Variants in NECTIN1 observed in about 807,000 individuals in gnomAD.
The protein encoded by NECTIN1 is nectin cell adhesion molecule 1, also known as nectin-1.
NECTIN1 carries 23 observed loss-of-function variants against 48.0 expected under a neutral mutation model. The observed-to-expected ratio is 0.48, with a 90% confidence interval of 0.34 to 0.68. The LOEUF (loss-of-function observed/expected upper bound fraction) is 0.68. Ranked by LOEUF, NECTIN1 falls within the 30% of genes least tolerant of loss-of-function variation. The probability of loss-of-function intolerance (pLI) is 0.01; values close to 1 mark genes in which losing one functional copy is unlikely to be tolerated. For synonymous variants in NECTIN1, 270 were observed against 288.9 expected (o/e 0.93, Z 0.66); for missense variants, 591 against 709.9 (o/e 0.83, Z 1.90).
At chr11:119,719,246 C>T (rs1476609004) in intron 1 of NECTIN1, among the ~76,000 whole-genome samples, 1 of 152,192 alleles carries the variant, frequency 6.6e-6, no homozygotes, top group Non-Finnish European at 1.5e-5. Context: ...CGCTGCACCA[C>T]TGAAGGGACA....
chr11:119,687,608 C>T (rs976120960), intron 1 of NECTIN1, among the ~76,000 whole-genome samples: 7 of 152,210 alleles, frequency 4.6e-5, no homozygotes, highest in African/African-American at 1.7e-4. Context: ...GGAGTGTAGG[C>T]AGCAGCCTCT....
In NECTIN1 at chr11:119,727,943, T is replaced by TCCGCCGCAGCAGCCGACC. The variant is rs1865939725; in HGVS notation, c.79+531_79+532insGGTCGGCTGCTGCGGCGG. ...AGCCGCCTCTGCCGCAGCAGCCGAC[T>TCCGCCGCAGCAGCCGACC]CTCCGCGCCCGCTGTGGGGCGGTGT... On this transcript the variant is annotated intron_variant, in intron 1 of 5. Coordinates refer to ENST00000264025, the MANE Select transcript of NECTIN1 (RefSeq NM_002855.5). The surrounding 1 kb of genome is among the most constrained non-coding windows in gnomAD (Gnocchi z 4.1). 6.6e-6 allele frequency among the ~76,000 whole-genome samples: 1 copy of TCCGCCGCAGCAGCCGACC among 151,980 alleles called. No homozygotes were observed. Among genetic ancestry groups the TCCGCCGCAGCAGCCGACC allele is most frequent in the Non-Finnish European group, 1.5e-5 (1 of 67,972 alleles).
chr11:119,656,159 G>C (rs566632064), downstream of NECTIN1, among the ~76,000 whole-genome samples: 1 of 152,266 alleles, frequency 6.6e-6, no homozygotes, highest in Non-Finnish European at 1.5e-5. Context: ...GGTCCCCAAA[G>C]TGTTGGGATT....
chr11:119,720,863 C>T (rs114755014), intron 1 of NECTIN1, among the ~76,000 whole-genome samples: 3 of 152,250 alleles, frequency 2.0e-5, no homozygotes, highest in African/African-American at 4.8e-5. Context: ...ACAAGGAACG[C>T]GAGCTGGGGA....
chr11:119,647,596 T>C lies in NECTIN1; in HGVS notation c.1004-7584A>G, dbSNP rs543009658. ...TGGGTGCCCTCTTCCCTCTCCTAGC[T>C]CCTAACTCTTTCCTCCCTATCTGCT... On this transcript the variant is annotated intron_variant, in intron 5 of 7. Coordinates refer to the NECTIN1 transcript ENST00000341398. Among the ~76,000 whole-genome samples the C allele has an allele frequency of 5.9e-5, 9 of 151,870 alleles. No homozygotes were observed. The South Asian group carries it at 8.3e-4, about 14-fold the overall frequency.
intron 5 of NECTIN1, among the ~76,000 whole-genome samples, chr11:119,649,860 C>A (rs1864463605): frequency 6.6e-6 from 1 of 152,190 alleles, no homozygotes; most frequent in African/African-American, 2.4e-5. Context: ...TTGGGCTACT[C>A]AGGAGGAAAT....
intron 1 of NECTIN1, among the ~76,000 whole-genome samples, chr11:119,699,688 A>G (rs1430567229): frequency 2.0e-5 from 3 of 152,224 alleles, no homozygotes; most frequent in South Asian, 2.1e-4. Flanking sequence ...GCTCAGGTGC[A>G]TTCCCTGGAG....
Position 119,677,612 on chromosome 11 carries a change from A to C in NECTIN1, c.676T>G (p.Cys226Gly). 6.2e-7 allele frequency: 1 copy of C among 1,613,566 alleles called. No individual in the cohort carries two copies. The highest frequency in any genetic ancestry group is 8.5e-7 in the Non-Finnish European group (1 of 1,180,026). The change falls in exon 3 of 6, where the codon TGC (cysteine) becomes GGC (glycine). Residue 226 changes from cysteine (C) to glycine (G), a missense_variant. Cys to Gly is a radical substitution (Grantham distance 159, BLOSUM62 -3). Transcript: ENST00000264025. This position sits in a 1 kb window ranked among gnomAD's most constrained non-coding sequence, Gnocchi z 5.4. ...CGGTCCATGTGGTAGTTGACGATGC[A>C]GGCCAAGGACTGCTGGTGGGCTTCC... Reference protein sequence around the residue: ...SREAHQQSLACIVNYHMDRFK... With the variant: ...SREAHQQSLAGIVNYHMDRFK...
intron 5 of NECTIN1, among the ~76,000 whole-genome samples, chr11:119,647,254 T>C (rs75244638): frequency 2.8e-5 from 4 of 144,186 alleles, no homozygotes; most frequent in East Asian, 2.1e-4. Flanking sequence ...GGGTTGAGGA[T>C]TGTCACTTCC....
At position 119,671,180 on chromosome 11, in the gene NECTIN1, T is replaced by C. The variant is rs568300157; in HGVS notation, c.1003+3979A>G. On this transcript the variant is annotated intron_variant, in intron 5 of 5. Coordinates refer to ENST00000264025, the MANE Select transcript of NECTIN1 (RefSeq NM_002855.5). ...CTGTCTGGCGTGGAGTGGAGCGTCC[T>C]CCCCTCCCCCTCCATCCCTCCAGCT... 3.1e-4 allele frequency among the ~76,000 whole-genome samples: 47 copies of C among 151,652 alleles called. 1 individual carries two copies. The South Asian group carries it at 9.6e-3, about 31-fold the overall frequency.
At chr11:119,643,590 TC>T (rs906423773) in intron 5 of NECTIN1, among the ~76,000 whole-genome samples, 5 of 152,122 alleles carry the variant, frequency 3.3e-5, no homozygotes, top group African/African-American at 1.2e-4. Flanking sequence ...GCCTACCCCC[TC>T]CCTGAATAGG....
chr11:119,692,745 G>A (rs1865279784), intron 1 of NECTIN1, among the ~76,000 whole-genome samples: 1 of 152,238 alleles, frequency 6.6e-6, no homozygotes, highest in African/African-American at 2.4e-5. Flanking sequence ...AGGAAACTCA[G>A]GGAGGTCAAG....
At position 119,640,016 on chromosome 11, in the gene NECTIN1, G is replaced by A. The variant is rs745463793; in HGVS notation, c.1004-4C>T. 3.1e-6 allele frequency: 5 copies of A among 1,608,278 alleles called. No individual in the cohort carries two copies. In the South Asian group the frequency reaches 5.5e-5, roughly 18 times the overall value. On this transcript the variant is annotated splice_region_variant and splice_polypyrimidine_tract_variant and intron_variant, in intron 5 of 7. Coordinates refer to the NECTIN1 transcript ENST00000341398. The stretch of plus-strand genomic sequence containing the variant: ...CCCCTCTGGGGGCGGGGCTTTTCTG[G>A]AAACAAAAGACAGGGAAGAGGATTA...
At chr11:119,710,430 ACACAG>A (rs199759211) in intron 1 of NECTIN1, among the ~76,000 whole-genome samples, 4 of 314 alleles carry the variant, frequency 0.013, no homozygotes, top group Non-Finnish European at 0.034. Flanking sequence ...ACACACACAC[ACACAG>A]CCCTGCATGC....
chr11:119,715,060 G>A (rs1300925449), intron 1 of NECTIN1, among the ~76,000 whole-genome samples: 1 of 152,208 alleles, frequency 6.6e-6, no homozygotes, highest in African/African-American at 2.4e-5. Flanking sequence ...AGGGGGAGCT[G>A]GGGGCAGTCA....
chr11:119,723,216 CAAAAAAAA>C (rs34528775), intron 1 of NECTIN1, among the ~76,000 whole-genome samples: 5 of 59,234 alleles, frequency 8.4e-5, no homozygotes, highest in African/African-American at 1.3e-4. Context: ...GACTCTGTCT[CAAAAAAAA>C]AAAAAAAAAA....
chr11:119,665,303 T>G lies in NECTIN1; in HGVS notation c.1004-6A>C, dbSNP rs1591449454. ...AGACGGGGTGTAGGGGAATTCTGGG[T>G]GAGGAAAAGAGATGGAGGGGACAGC... On this transcript the variant is annotated splice_region_variant and splice_polypyrimidine_tract_variant and intron_variant, in intron 5 of 5. Transcript: ENST00000264025. This position sits in a 1 kb window ranked among gnomAD's most constrained non-coding sequence, Gnocchi z 5.1. 6.4e-7 allele frequency: 1 copy of G among 1,571,182 alleles called. No individual in the cohort carries two copies.
At chr11:119,712,655 AC>A (rs1340749741) in intron 1 of NECTIN1, among the ~76,000 whole-genome samples, 2 of 152,126 alleles carry the variant, frequency 1.3e-5, no homozygotes, top group East Asian at 3.8e-4. Context: ...CACAAGGCTT[AC>A]AAAAGCAGAT....
intron 1 of NECTIN1, among the ~76,000 whole-genome samples, chr11:119,686,837 G>A (rs1053227883): frequency 6.6e-6 from 1 of 152,112 alleles, no homozygotes; most frequent in Non-Finnish European, 1.5e-5. Context: ...CCAGTATCTC[G>A]GCGCACACCT....
Sources: gnomAD v4.1 joint callset for allele counts (sites outside exome capture counted in the v4.1 genomes callset) on GRCh38, gnomAD v4.1.1 for gene constraint, Gnocchi (gnomAD v3.1) non-coding constraint, MANE v1.5 for transcripts, NCBI Gene and HGNC (gene_info 2026-07-23, HGNC 2026-07-21) for gene names.